COTL1: variants seen among roughly 807,000 people sequenced by gnomAD.
COTL1 encodes coactosin like F-actin binding protein 1, also known as coactosin-like protein.
A neutral mutation model predicts 16.5 loss-of-function variants in COTL1; 15 were observed. The observed-to-expected ratio is 0.91, with a 90% CI of 0.61 to 1.40. The LOEUF is 1.40. Ranked by LOEUF, COTL1 falls within the 40% of genes most tolerant of loss-of-function variation. The pLI, the probability that COTL1 is intolerant of heterozygous loss-of-function variation, is 0.00. For synonymous variants in COTL1, 112 were observed against 85.3 expected (o/e 1.31, Z -1.73); for missense variants, 220 against 201.5 (o/e 1.09, Z -0.56).
At position 84,590,135 on chromosome 16, in the gene COTL1, C is replaced by T. The variant is rs143664681; in HGVS notation, c.288G>A (p.Thr96=). The change falls in exon 3 of 4, where the codon ACG becomes ACA. Residue 96 remains threonine (T), a synonymous_variant. Transcript: ENST00000262428. This position sits in a 1 kb window ranked among gnomAD's most constrained non-coding sequence, Gnocchi z 5.5. ...VSGLQRAKTG[T]DKTLVKEVVQ... ...CGACCTCCTTCACCAGGGTCTTGTC[C>T]GTCCCGGTTTTGGCGCGCTGCAGCC... is the stretch of plus-strand genomic sequence containing the variant. 3.5e-5 allele frequency: 56 copies of T among 1,614,002 alleles called. No individual in the cohort carries two copies. The highest frequency in any genetic ancestry group is 2.5e-4 in the African/African-American group (19 of 75,030).
intron 2 of COTL1, among the ~76,000 whole-genome samples, chr16:84,598,320 C>G (rs4783030): frequency 0.37 from 55,980 of 152,070 alleles, 10,460 homozygotes; most frequent in East Asian, 0.49. Flanking sequence ...TTGGCTCCTG[C>G]AAAGGACCCG....
At chr16:84,611,910 C>G (rs949071204) in intron 2 of COTL1, among the ~76,000 whole-genome samples, 3 of 152,056 alleles carry the variant, frequency 2.0e-5, no homozygotes, top group Non-Finnish European at 2.9e-5. Flanking sequence ...ATCATACAAC[C>G]GGTCTGGCAA....
intron 3 of COTL1, chr16:84,569,057 C>T (rs1352841472): frequency 6.6e-6 from 1 of 152,322 alleles, no homozygotes; most frequent in Non-Finnish European, 1.5e-5. Context: ...TGCGGTGGCT[C>T]ACGCCCGTCA....
intron 3 of COTL1, among the ~76,000 whole-genome samples, chr16:84,585,589 C>G (rs1006368340): frequency 6.6e-6 from 1 of 152,092 alleles, no homozygotes; most frequent in African/African-American, 2.4e-5. Context: ...ACCTGGTCCC[C>G]AAGACATGGC....
intron 2 of COTL1, among the ~76,000 whole-genome samples, chr16:84,599,124 G>C (rs955310492): frequency 8.6e-6 from 1 of 116,040 alleles, no homozygotes; most frequent in African/African-American, 3.4e-5. Flanking sequence ...CTCAGGCTCA[G>C]GTCAGCACTG....
chr16:84,566,602 A>G lies in COTL1; in HGVS notation c.*243T>C, dbSNP rs1183015786. 1 of 469,102 alleles carries G rather than the reference A, an allele frequency of 2.1e-6. No individual in the cohort carries two copies. Among genetic ancestry groups the G allele is most frequent in the East Asian group, 3.6e-5 (1 of 27,550 alleles). 29.1% of individuals were successfully genotyped at this position (469,102 alleles called of 1,614,324 possible). On this transcript the variant is annotated 3_prime_UTR_variant, in exon 4 of 4. Transcript: ENST00000262428. ...AAATGACTTTTCTTTAGAACAAAAA[A>G]GAGGGGGAGAAAAGAAAAAGAAGAT...
intron 3 of COTL1, among the ~76,000 whole-genome samples, chr16:84,572,919 A>ATT (rs56198127): frequency 2.5e-4 from 37 of 145,888 alleles, no homozygotes; most frequent in East Asian, 1.0e-3. Context: ...TGCCCGACTA[A>ATT]TTTTTTTTTT....
chr16:84,589,862 A>G (rs1904818899), intron 3 of COTL1, among the ~76,000 whole-genome samples: 1 of 152,146 alleles, frequency 6.6e-6, no homozygotes, highest in Non-Finnish European at 1.5e-5. Flanking sequence ...GCAGGCACCC[A>G]GCTGCCAAGC....
chr16:84,599,511 T>C (rs1240244093), intron 2 of COTL1, among the ~76,000 whole-genome samples: 1 of 152,222 alleles, frequency 6.6e-6, no homozygotes, highest in East Asian at 1.9e-4. Context: ...GTCTGGGTCT[T>C]GTTATGGCCC....
At chr16:84,610,062 T>C (rs1905289305) in intron 2 of COTL1, among the ~76,000 whole-genome samples, 1 of 152,158 alleles carries the variant, frequency 6.6e-6, no homozygotes, top group South Asian at 2.1e-4. Flanking sequence ...TGACAGCCCC[T>C]CAAACATCTG....
In COTL1 at chr16:84,613,206, G is replaced by T. The variant is rs569440019; in HGVS notation, c.160+4295C>A. On this transcript the variant is annotated intron_variant, in intron 2 of 3. Transcript: ENST00000262428. ...GTAGAGACAGGGTTTCACTGTGTTG[G>T]CCAGGCTGGTCTCGAACTCCTGACC... Among the ~76,000 whole-genome samples, 6 of 152,088 alleles carry T rather than the reference G, an allele frequency of 3.9e-5. No individual in the cohort carries two copies. The South Asian group carries it at 1.2e-3, about 32-fold the overall frequency.
At chr16:84,607,681 G>T (rs16974272) in intron 2 of COTL1, among the ~76,000 whole-genome samples, 1 of 152,000 alleles carries the variant, frequency 6.6e-6, no homozygotes, top group South Asian at 2.1e-4. Flanking sequence ...ATGTCTGAGC[G>T]TTTGGACCTT....
At chr16:84,567,136 G>A (rs957337718) in intron 3 of COTL1, 181 bp from the exon 4 acceptor site, 1 of 565,480 alleles carries the variant, frequency 1.8e-6, no homozygotes, top group Admixed American at 2.7e-5. Flanking sequence ...AAATTGAACA[G>A]CAGAGTCATC....
intron 2 of COTL1, among the ~76,000 whole-genome samples, chr16:84,612,338 C>A (rs955371326): frequency 6.6e-6 from 1 of 152,120 alleles, no homozygotes; most frequent in Non-Finnish European, 1.5e-5. Flanking sequence ...CATGCAGACC[C>A]GGGCCAAGGG....
intron 2 of COTL1, among the ~76,000 whole-genome samples, chr16:84,597,844 C>G (rs1338583674): frequency 4.6e-5 from 7 of 152,190 alleles, no homozygotes; most frequent in Non-Finnish European, 1.0e-4. Flanking sequence ...GACAGTCCCT[C>G]CAGTGCTCCC....
At chr16:84,603,569 C>A (rs988204157) in intron 2 of COTL1, among the ~76,000 whole-genome samples, 1 of 148,524 alleles carries the variant, frequency 6.7e-6, no homozygotes, top group Admixed American at 6.7e-5. Context: ...GCCTGGCACA[C>A]AGGAAGTGTT....
At chr16:84,614,349 G>A (rs978490516) in intron 2 of COTL1, among the ~76,000 whole-genome samples, 14 of 152,154 alleles carry the variant, frequency 9.2e-5, no homozygotes, top group Non-Finnish European at 1.8e-4. Flanking sequence ...GATGAGTGCG[G>A]GGGTGGGAGG....
intron 2 of COTL1, among the ~76,000 whole-genome samples, chr16:84,602,553 G>A (rs141946109): frequency 1.3e-5 from 2 of 151,904 alleles, no homozygotes; most frequent in African/African-American, 4.8e-5. Context: ...ACAAATTTGT[G>A]GTTTAATAAA....
chr16:84,574,516 C>G (rs2150681099), intron 3 of COTL1, among the ~76,000 whole-genome samples: 1 of 152,374 alleles, frequency 6.6e-6, no homozygotes, highest in Non-Finnish European at 1.5e-5. Flanking sequence ...CCGACGAAGT[C>G]TCACTCCAAG....
Sources: gnomAD v4.1 joint callset for allele counts (sites outside exome capture counted in the v4.1 genomes callset) on GRCh38, gnomAD v4.1.1 for gene constraint, Gnocchi (gnomAD v3.1) non-coding constraint, MANE v1.5 for transcripts, NCBI Gene and HGNC (gene_info 2026-07-23, HGNC 2026-07-21) for gene names.